Variants in KIF4A observed in about 807,000 individuals in gnomAD.
KIF4A encodes chromosome-associated kinesin KIF4A.
Under a neutral mutation model 105.9 loss-of-function variants are expected in KIF4A, and 7 were observed. The observed-to-expected ratio is 0.07, with a 90% CI of 0.04 to 0.12. KIF4A has a LOEUF of 0.12. KIF4A is among the 10% of genes least tolerant of loss of function. The pLI is 1.00. For missense variants in KIF4A, 558 were observed against 929.2 expected (o/e 0.60, Z 5.19); for synonymous variants, 281 against 331.3 (o/e 0.85, Z 1.65).
At chrX:70,391,254 A>T (rs2086236457) in intron 20 of KIF4A, among the ~76,000 whole-genome samples, 1 of 111,986 alleles carries the variant, frequency 8.9e-6, no homozygotes, top group Admixed American at 9.6e-5. Flanking sequence ...ATTAACTTTT[A>T]TCTCATGCCT....
intron 7 of KIF4A, among the ~76,000 whole-genome samples, chrX:70,308,890 G>A (rs1290132258): frequency 2.7e-5 from 3 of 112,634 alleles, no homozygotes; most frequent in Non-Finnish European, 3.8e-5. Context: ...GATTACAGGC[G>A]TGAGCCACCA....
At chrX:70,383,223 T>C (rs1602792330) in intron 18 of KIF4A, among the ~76,000 whole-genome samples, 1 of 103,417 alleles carries the variant, frequency 9.7e-6, no homozygotes, top group Non-Finnish European at 2.0e-5. Context: ...CAATCAACAA[T>C]AAAAATATAA....
At position 70,296,083 on chromosome X, in the gene KIF4A, C is replaced by CTTTTT. The variant is rs386417082; in HGVS notation, c.236-899_236-895dup. On this transcript the variant is annotated intron_variant, in intron 3 of 30. Coordinates refer to ENST00000374403, the MANE Select transcript of KIF4A (RefSeq NM_012310.5). ...TGTGAACATCTTTGAATAAATGATG[C>CTTTTT]TTTTTTTTTTTTTTTTTTTTGAGAC... Among the ~76,000 whole-genome samples, 71 of 65,011 alleles carry CTTTTT rather than the reference C, an allele frequency of 1.1e-3. 1 individual carries two copies. The highest frequency in any genetic ancestry group is 1.4e-3 in the Non-Finnish European group (53 of 38,730). The allele number at this position is 65,011 out of a possible 115,157, so 56.5% of individuals were successfully genotyped here.
rs749623456 is a variant in KIF4A at position 70,376,229 on chromosome X, T to G, written c.2034+19T>G. The G allele has an allele frequency of 1.0e-6, 1 of 981,719 alleles. No individual in the cohort carries two copies. The allele number at this position is 981,719 out of a possible 1,213,427, so 80.9% of individuals were successfully genotyped here. A position where few individuals can be genotyped will look rare whatever the true frequency, so the allele number is the denominator to read the frequency against. ...AGAACGAGTAAGTAACTAAAACTTC[T>G]TGAAGGCCTAGGTAATAAACCCTTC... On this transcript the variant is annotated intron_variant, in intron 18 of 30. Coordinates refer to ENST00000374403, the MANE Select transcript of KIF4A (RefSeq NM_012310.5).
At chrX:70,349,751 C>G (rs1332356158) in intron 13 of KIF4A, among the ~76,000 whole-genome samples, 1 of 69,495 alleles carries the variant, frequency 1.4e-5, no homozygotes, top group Non-Finnish European at 2.6e-5. Context: ...CAGGCAGAGG[C>G]GCTCCTCAGT....
At position 70,373,543 on chromosome X, in the gene KIF4A, T is replaced by C. The variant is rs1307228454; in HGVS notation, c.1675-608T>C. Among the ~76,000 whole-genome samples, 6 of 50,514 alleles carry C rather than the reference T, an allele frequency of 1.2e-4. 2 individuals carry two copies. Among genetic ancestry groups the C allele is most frequent in the South Asian group, 2.7e-3 (2 of 741 alleles). The allele number at this position is 50,514 out of a possible 115,157, so 43.9% of individuals were successfully genotyped here. On this transcript the variant is annotated intron_variant, in intron 15 of 30. Transcript: ENST00000374403. ...GTGTATGTATATATATATATATATA[T>C]ATATATATATATACGTATATATATA...
intron 7 of KIF4A, among the ~76,000 whole-genome samples, chrX:70,324,388 G>A: frequency 8.9e-6 from 1 of 112,128 alleles, no homozygotes; most frequent in Non-Finnish European, 1.9e-5. Context: ...TAACACAATA[G>A]GTATTCTATA....
At chrX:70,349,278 C>T (rs1263552672) in intron 13 of KIF4A, among the ~76,000 whole-genome samples, 4 of 78,834 alleles carry the variant, frequency 5.1e-5, no homozygotes, top group Admixed American at 1.5e-4. Flanking sequence ...AGACAATGGG[C>T]GGCTGGGTAG....
chrX:70,409,231 A>G (rs1034660769), intron 28 of KIF4A, among the ~76,000 whole-genome samples: 3 of 111,557 alleles, frequency 2.7e-5, no homozygotes, highest in African/African-American at 9.8e-5. Context: ...AGAGGTGACT[A>G]TTGCTGCGTT....
At chrX:70,363,103 G>A (rs996682938) in intron 15 of KIF4A, among the ~76,000 whole-genome samples, 3 of 110,878 alleles carry the variant, frequency 2.7e-5, no homozygotes, top group African/African-American at 9.8e-5. Flanking sequence ...AAAAATAGGG[G>A]GAGGGATAGG....
chrX:70,317,098 A>G (rs1370730354), intron 7 of KIF4A, among the ~76,000 whole-genome samples: 3 of 111,949 alleles, frequency 2.7e-5, no homozygotes, highest in Admixed American at 9.4e-5. Flanking sequence ...ATGTACCACA[A>G]TTTATCCTCT....
At chrX:70,343,434 C>T (rs955616569) in intron 11 of KIF4A, among the ~76,000 whole-genome samples, 5 of 111,314 alleles carry the variant, frequency 4.5e-5, no homozygotes, top group African/African-American at 1.3e-4. Context: ...TAAGGCTTCA[C>T]ACTCCACCCC....
Position 70,311,003 on chromosome X carries a change from G to A in KIF4A, c.778+8605G>A, listed in dbSNP as rs757440783. 3.7e-5 allele frequency among the ~76,000 whole-genome samples: 4 copies of A among 108,876 alleles called. No individual in the cohort carries two copies. The East Asian group carries it at 8.6e-4, about 24-fold the overall frequency. 94.5% of individuals were successfully genotyped at this position (108,876 alleles called of 115,157 possible). A position where few individuals can be genotyped will look rare whatever the true frequency, so the allele number is the denominator to read the frequency against. ...TAGCCAGGCATGGTGGCACATGCCTGTAGTCCTGGCTACTCGGGGGACTGA... is the reference window on the plus strand; with the variant it reads ...TAGCCAGGCATGGTGGCACATGCCTATAGTCCTGGCTACTCGGGGGACTGA... On this transcript the variant is annotated intron_variant, in intron 7 of 30. Coordinates refer to ENST00000374403, the MANE Select transcript of KIF4A (RefSeq NM_012310.5).
chrX:70,399,959 AAAAAC>A (rs1271431493), intron 22 of KIF4A, among the ~76,000 whole-genome samples: 2 of 103,825 alleles, frequency 1.9e-5, no homozygotes, highest in Non-Finnish European at 4.0e-5. Context: ...ATAATAAAAT[AAAAAC>A]AACAACAACA....
intron 11 of KIF4A, among the ~76,000 whole-genome samples, chrX:70,342,828 T>G (rs1338241650): frequency 8.9e-6 from 1 of 112,431 alleles, no homozygotes; most frequent in Non-Finnish European, 1.9e-5. Context: ...GTGTTTCACA[T>G]GTATGTGAAT....
intron 16 of KIF4A, 134 bp downstream of exon 16, chrX:70,374,388 C>CA (rs1367494420): frequency 7.1e-5 from 29 of 406,393 alleles, no homozygotes; most frequent in African/African-American, 1.8e-4. Flanking sequence ...AACCTAAACA[C>CA]AAAAAATGGT....
Position 70,306,823 on chromosome X carries a change from G to A in KIF4A, c.778+4425G>A, listed in dbSNP as rs2085829234. On this transcript the variant is annotated intron_variant, in intron 7 of 30. Transcript: ENST00000374403. ...TCCAAAGTGCTGGGATTACAGGCAT[G>A]AGCCACCGTGCCCGGCCTCTTTTTT... is the stretch of plus-strand genomic sequence containing the variant. Among the ~76,000 whole-genome samples the A allele has an allele frequency of 5.5e-5, 6 of 109,327 alleles. No individual in the cohort carries two copies. In the South Asian group the frequency reaches 2.4e-3, roughly 43 times the overall value. 94.9% of individuals were successfully genotyped at this position (109,327 alleles called of 115,157 possible).
intron 20 of KIF4A, among the ~76,000 whole-genome samples, chrX:70,390,481 C>T (rs769141456): frequency 1.8e-5 from 2 of 110,903 alleles, no homozygotes; most frequent in Non-Finnish European, 3.8e-5. Flanking sequence ...TTTTAGCTTG[C>T]GAAGTTTTTA....
chrX:70,420,698 G>T lies in KIF4A; in HGVS notation c.*433G>T, dbSNP rs1388654958. 1 of 129,868 alleles carries T rather than the reference G, an allele frequency of 7.7e-6. No individual in the cohort carries two copies. Among genetic ancestry groups the T allele is most frequent in the South Asian group, 3.5e-4 (1 of 2,860 alleles). The allele number at this position is 129,868 out of a possible 1,213,427, so 10.7% of individuals were successfully genotyped here. Reference sequence around the variant, plus strand: ...TCTTTCATTCCACCTCAGGAATGAGGTTGTGATCTTTCCTGTCCTGACCCT... The same window carrying T: ...TCTTTCATTCCACCTCAGGAATGAGTTTGTGATCTTTCCTGTCCTGACCCT... On this transcript the variant is annotated 3_prime_UTR_variant, in exon 31 of 31. Coordinates refer to ENST00000374403, the MANE Select transcript of KIF4A (RefSeq NM_012310.5).
Sources: gnomAD v4.1 joint callset for allele counts (sites outside exome capture counted in the v4.1 genomes callset) on GRCh38, gnomAD v4.1.1 for gene constraint, MANE v1.5 for transcripts, NCBI Gene and HGNC (gene_info 2026-07-23, HGNC 2026-07-21) for gene names.